MPDZ: variants seen among roughly 807,000 people sequenced by gnomAD.
MPDZ encodes multiple PDZ domain crumbs cell polarity complex component.
In MPDZ, 234 loss-of-function variants were observed where a neutral mutation model predicts 239.1. The observed-to-expected ratio is 0.98, with a 90% CI of 0.88 to 1.09. The LOEUF (loss-of-function observed/expected upper bound fraction) is 1.09. Among genes scored for constraint, MPDZ ranks in the 50% least tolerant of loss-of-function variants. The pLI, the probability that MPDZ is intolerant of heterozygous loss-of-function variation, is 0.00. For missense variants in MPDZ, 3,175 were observed against 2,510.0 expected (o/e 1.26, Z -5.66); for synonymous variants, 1,048 against 881.3 (o/e 1.19, Z -3.35).
chr9:13,126,598 G>A lies in MPDZ; in HGVS notation c.4558-8C>T. 2 of 1,607,524 alleles carry A rather than the reference G, an allele frequency of 1.2e-6. No individual in the cohort carries two copies. Among genetic ancestry groups the A allele is most frequent in the Non-Finnish European group, 1.7e-6 (2 of 1,176,536 alleles). On this transcript the variant is annotated splice_polypyrimidine_tract_variant and splice_region_variant and intron_variant, in intron 33 of 46. Coordinates refer to ENST00000319217, the MANE Select transcript of MPDZ (RefSeq NM_001378778.1). ...GACTTTGAGTCGTCCATCCTAAATG[G>A]AAACGTAGAAGAATTTGAGTGATAT...
intron 11 of MPDZ, among the ~76,000 whole-genome samples, chr9:13,205,613 A>G (rs530472687): frequency 6.6e-6 from 1 of 152,288 alleles, no homozygotes; most frequent in Admixed American, 6.5e-5. Flanking sequence ...TCCAGAAGTA[A>G]GGCAGAAACA....
At chr9:13,205,815 ATAATTAAGAAC>A in intron 11 of MPDZ, 90 bp downstream of exon 11, 1 of 1,099,800 alleles carries the variant, frequency 9.1e-7, no homozygotes, top group Non-Finnish European at 1.2e-6. Flanking sequence ...AGCATTCTGA[ATAATTAAGAAC>A]CATTCTGAAA....
chr9:13,193,413 T>G, intron 13 of MPDZ, 100 bp from the exon 14 acceptor site: 1 of 1,309,604 alleles, frequency 7.6e-7, no homozygotes, highest in African/African-American at 1.5e-5. Flanking sequence ...AGTGGTCATC[T>G]TTCTCACAAA....
intron 39 of MPDZ, among the ~76,000 whole-genome samples, chr9:13,118,013 T>G (rs1373802812): frequency 2.0e-5 from 3 of 151,736 alleles, no homozygotes; most frequent in African/African-American, 7.3e-5. Flanking sequence ...CCTGGCTAAT[T>G]TTGTATTTTT....
In MPDZ at chr9:13,121,797, T is replaced by G. The variant is rs776517480; in HGVS notation, c.5173A>C (p.Thr1725Pro). 12 of 1,613,860 alleles carry G rather than the reference T, an allele frequency of 7.4e-6. No individual in the cohort carries two copies. The highest frequency in any genetic ancestry group is 1.0e-5 in the Non-Finnish European group (12 of 1,179,890). Residue 1725 changes from threonine (T) to proline (P), a missense_variant, in exon 38 of 47, where the codon ACT becomes CCT. By Grantham distance (38) the Thr-to-Pro change is conservative. Coordinates refer to ENST00000319217, the MANE Select transcript of MPDZ (RefSeq NM_001378778.1). ...YKEEEVCDTL[T>P]IELQKKPGKG... is the part of the protein sequence containing the mutation. The stretch of plus-strand genomic sequence containing the variant: ...CCCGGCTTCTTCTGCAGCTCAATAG[T>G]GAGGGTGTCACACACTTCCTCCTCT...
Position 13,193,184 on chromosome 9 carries a change from C to A in MPDZ, c.1786G>T (p.Gly596Ter). The change falls in exon 14 of 47, where the codon GGA becomes TGA. Residue 596 changes from glycine (G) to a stop codon, truncating the protein, a stop_gained. Transcript: ENST00000319217. LOFTEE classifies it high-confidence loss of function. Reference protein sequence around the residue: ...PVGHSGKLFSGDELLEVNGIT... With the variant: ...PVGHSGKLFS ...CTCCTTACTTCCAATAGCTCGTCTCCACTGAAGAGCTTCCCGCTGTGTCCA... is the reference window on the plus strand; with the variant it reads ...CTCCTTACTTCCAATAGCTCGTCTCAACTGAAGAGCTTCCCGCTGTGTCCA... 2 of 1,590,724 alleles carry A rather than the reference C, an allele frequency of 1.3e-6. No homozygotes were observed. The highest frequency in any genetic ancestry group is 1.2e-5 in the South Asian group (1 of 86,274).
intron 45 of MPDZ, 44 bp from the exon 46 acceptor site, chr9:13,109,103 A>G (rs1389371900): frequency 1.5e-6 from 2 of 1,290,344 alleles, no homozygotes; most frequent in South Asian, 2.5e-5. Context: ...TTAAAAAAAA[A>G]AAACTATACA....
At chr9:13,233,906 G>C (rs142069281) in intron 3 of MPDZ, among the ~76,000 whole-genome samples, 6 of 152,202 alleles carry the variant, frequency 3.9e-5, no homozygotes, top group African/African-American at 1.4e-4. Context: ...CCCTCCACAG[G>C]GTTGATGTGG....
chr9:13,239,987 T>C (rs1964986381), intron 3 of MPDZ, among the ~76,000 whole-genome samples: 1 of 152,098 alleles, frequency 6.6e-6, no homozygotes, highest in Admixed American at 6.6e-5. Context: ...TGAGCAAAAA[T>C]TATATTCTTA....
chr9:13,163,884 A>T (rs1950750676), intron 22 of MPDZ, among the ~76,000 whole-genome samples: 1 of 152,170 alleles, frequency 6.6e-6, no homozygotes, highest in African/African-American at 2.4e-5. Context: ...TATATTGGTT[A>T]TTCTATAGAA....
At chr9:13,142,232 A>C (rs1947812536) in intron 27 of MPDZ, among the ~76,000 whole-genome samples, 2 of 151,642 alleles carry the variant, frequency 1.3e-5, no homozygotes, top group Admixed American at 6.6e-5. Context: ...TTTTAAGAAC[A>C]AACAAACAAA....
chr9:13,172,427 G>C (rs1951905922), intron 21 of MPDZ, among the ~76,000 whole-genome samples: 2 of 146,732 alleles, frequency 1.4e-5, no homozygotes, highest in South Asian at 4.3e-4. Flanking sequence ...TTGTCACCTA[G>C]GCTGGAGTGT....
intron 23 of MPDZ, among the ~76,000 whole-genome samples, chr9:13,159,431 C>A (rs55842099): frequency 0.013 from 1,979 of 152,054 alleles, 56 homozygotes; most frequent in African/African-American, 0.044. Flanking sequence ...AGAGGGAGAT[C>A]CTAAAAACAA....
At chr9:13,116,744 T>C (rs1943517638) in intron 39 of MPDZ, among the ~76,000 whole-genome samples, 1 of 152,074 alleles carries the variant, frequency 6.6e-6, no homozygotes, top group African/African-American at 2.4e-5. Context: ...ATTTTTCCAA[T>C]ACAAAAGTGA....
At chr9:13,119,747 T>C (rs1386845705) in intron 38 of MPDZ, 98 bp from the exon 39 acceptor site, 2 of 1,403,312 alleles carry the variant, frequency 1.4e-6, no homozygotes, top group Admixed American at 3.8e-5. Context: ...TTTTTACTTG[T>C]TTTTATGACT....
At chr9:13,163,435 C>T (rs564664116) in intron 22 of MPDZ, among the ~76,000 whole-genome samples, 1 of 152,144 alleles carries the variant, frequency 6.6e-6, no homozygotes, top group Admixed American at 6.6e-5. Flanking sequence ...ACTATTTACA[C>T]GTGAATGGCC....
chr9:13,110,245 G>C (rs1258376878), intron 44 of MPDZ, among the ~76,000 whole-genome samples, 181 bp from the exon 45 acceptor site: 1 of 152,164 alleles, frequency 6.6e-6, no homozygotes, highest in Non-Finnish European at 1.5e-5. Context: ...GCTCTTAACT[G>C]TCCTGACAGT....
intron 27 of MPDZ, among the ~76,000 whole-genome samples, chr9:13,142,892 C>T (rs1475666009): frequency 8.6e-5 from 13 of 151,878 alleles, no homozygotes; most frequent in Admixed American, 1.3e-4. Flanking sequence ...ATTTGTGTTT[C>T]GATTTTGGTT....
intron 21 of MPDZ, among the ~76,000 whole-genome samples, chr9:13,175,065 G>C (rs1280927676): frequency 6.6e-6 from 1 of 152,184 alleles, no homozygotes. Context: ...TGGACACTCA[G>C]AGCAACTCAT....
Sources: allele counts gnomAD v4.1 joint callset (sites outside exome capture counted in the v4.1 genomes callset), GRCh38; gene constraint gnomAD v4.1.1; transcripts MANE v1.5; gene names NCBI Gene and HGNC (gene_info 2026-07-23, HGNC 2026-07-21).